DNAH17: variants seen among roughly 807,000 people sequenced by gnomAD.
DNAH17 encodes the protein dynein axonemal heavy chain 17, also known as axonemal beta dynein heavy chain 17.
Under a neutral mutation model 485.6 loss-of-function variants are expected in DNAH17, and 376 were observed. That is an observed-to-expected ratio of 0.77 (90% CI 0.71 to 0.84). The LOEUF (loss-of-function observed/expected upper bound fraction) is 0.84. Ranked by LOEUF, DNAH17 falls within the 40% of genes least tolerant of loss-of-function variation. The pLI is 0.00. For missense variants in DNAH17, 6,370 were observed against 5,839.3 expected, an observed-to-expected ratio of 1.09 and a Z score of -2.96; for synonymous variants, 3,031 against 2,405.9, an observed-to-expected ratio of 1.26 and a Z score of -7.60.
At chr17:78,478,832 C>G in intron 51 of DNAH17, 193 bp downstream of exon 51, 2 of 566,608 alleles carry the variant, frequency 3.5e-6, no homozygotes, top group Non-Finnish European at 6.3e-6. Context: ...TCATCACGAC[C>G]ATCACCATTA....
intron 48 of DNAH17, 123 bp downstream of exon 48, chr17:78,484,745 C>CCAG: frequency 2.3e-6 from 1 of 438,024 alleles, no homozygotes; most frequent in Non-Finnish European, 3.6e-6. Context: ...CAGCACCCCC[C>CCAG]CCACCGCCCC....
chr17:78,492,447 C>T (rs536765643), intron 42 of DNAH17, among the ~76,000 whole-genome samples, 186 bp downstream of exon 42: 10 of 152,290 alleles, frequency 6.6e-5, no homozygotes, highest in South Asian at 2.1e-4. Flanking sequence ...TCCCCCAGCC[C>T]GGGTGCTACG....
At chr17:78,551,275 G>A (rs998609749) in intron 16 of DNAH17, among the ~76,000 whole-genome samples, 3 of 152,212 alleles carry the variant, frequency 2.0e-5, no homozygotes, top group African/African-American at 7.2e-5. Flanking sequence ...TCCACCCCTT[G>A]CTACTGGCAC....
intron 48 of DNAH17, among the ~76,000 whole-genome samples, chr17:78,483,127 C>T (rs950819024): frequency 4.7e-5 from 7 of 147,370 alleles, no homozygotes; most frequent in African/African-American, 1.3e-4. Flanking sequence ...CCCCACACCA[C>T]GTTAGGTTCT....
intron 72 of DNAH17, among the ~76,000 whole-genome samples, chr17:78,440,258 T>C (rs1053414821): frequency 7.3e-6 from 1 of 136,196 alleles, no homozygotes; most frequent in East Asian, 2.1e-4. Flanking sequence ...TTTTTTTTTT[T>C]TTTTTTTTTT....
intron 72 of DNAH17, 81 bp from the exon 73 acceptor site, chr17:78,439,298 T>C: frequency 6.9e-7 from 1 of 1,449,356 alleles, no homozygotes; most frequent in Non-Finnish European, 9.2e-7. Flanking sequence ...AGCCAGGAAT[T>C]CCACATGCCT....
intron 11 of DNAH17, among the ~76,000 whole-genome samples, chr17:78,562,763 C>T (rs2143662792): frequency 6.6e-6 from 1 of 152,330 alleles, no homozygotes; most frequent in South Asian, 2.1e-4. Context: ...TTAGGAAGAG[C>T]ACTGCCACTC....
Position 78,491,409 on chromosome 17 carries a change from T to C in DNAH17, c.6669+34A>G, listed in dbSNP as rs529435401. On this transcript the variant is annotated intron_variant, in intron 43 of 80. Transcript: ENST00000389840. ...GAGCCCCCGTTGTCCCTGCCTTGGG[T>C]GGCCTTGGGGCTTAGAGTCCAGGGC... is the stretch of plus-strand genomic sequence containing the variant. 4 of 1,606,198 alleles carry C rather than the reference T, an allele frequency of 2.5e-6. No homozygotes were observed. The African/African-American group carries it at 5.3e-5, about 21-fold the overall frequency.
chr17:78,467,216 G>T (rs115333668), intron 55 of DNAH17, among the ~76,000 whole-genome samples: 1 of 152,232 alleles, frequency 6.6e-6, no homozygotes, highest in African/African-American at 2.4e-5. Flanking sequence ...GAAAGGGCAG[G>T]GAGTCCCTGG....
intron 68 of DNAH17, 170 bp from the exon 69 acceptor site, chr17:78,449,754 T>C: frequency 3.2e-6 from 2 of 628,392 alleles, no homozygotes; most frequent in East Asian, 5.7e-5. Flanking sequence ...CTTGGCTCAC[T>C]GCACCCTCTG....
At chr17:78,446,628 ATTTAT>A (rs60439122) in intron 69 of DNAH17, among the ~76,000 whole-genome samples, 29,052 of 151,732 alleles carry the variant, frequency 0.19, 4,838 homozygotes, top group African/African-American at 0.45. Context: ...GATTTTTTAA[ATTTAT>A]TTTATTATTT....
At chr17:78,445,040 G>A (rs2087222806) in intron 70 of DNAH17, among the ~76,000 whole-genome samples, 1 of 152,156 alleles carries the variant, frequency 6.6e-6, no homozygotes, top group Non-Finnish European at 1.5e-5. Flanking sequence ...GCCTGGGATG[G>A]GCTAGGGGCT....
At chr17:78,543,821 G>A (rs1018567480) in intron 17 of DNAH17, 36 bp downstream of exon 17, 11 of 1,613,848 alleles carry the variant, frequency 6.8e-6, no homozygotes, top group East Asian at 2.2e-5. Flanking sequence ...CTAAAAGCAA[G>A]TGGGTTCTCA....
intron 75 of DNAH17, among the ~76,000 whole-genome samples, chr17:78,431,616 G>C (rs1423808578): frequency 6.6e-6 from 1 of 152,128 alleles, no homozygotes; most frequent in Non-Finnish European, 1.5e-5. Flanking sequence ...AACAGGCCGT[G>C]GACACAGATG....
intron 54 of DNAH17, 98 bp from the exon 55 acceptor site, chr17:78,468,981 T>C: frequency 7.0e-7 from 1 of 1,431,116 alleles, no homozygotes; most frequent in Non-Finnish European, 9.3e-7. Context: ...ATTTTTTCTT[T>C]GAGACGGAGT....
chr17:78,469,662 G>A (rs553626371), intron 54 of DNAH17, among the ~76,000 whole-genome samples: 2 of 152,308 alleles, frequency 1.3e-5, no homozygotes, highest in Admixed American at 1.3e-4. Flanking sequence ...CAGCCATCAG[G>A]ACAACCCAAG....
intron 36 of DNAH17, chr17:78,499,367 G>T: frequency 2.9e-6 from 1 of 349,060 alleles, no homozygotes; most frequent in Non-Finnish European, 5.1e-6. Context: ...ACTTCCTGGA[G>T]TCCCTAATAA....
intron 17 of DNAH17, among the ~76,000 whole-genome samples, chr17:78,543,325 C>T (rs1456088215): frequency 6.7e-6 from 1 of 150,342 alleles, no homozygotes; most frequent in Non-Finnish European, 1.5e-5. Flanking sequence ...GCTCTGTCGC[C>T]CAAGCCGGAC....
At chr17:78,458,704 G>T in intron 61 of DNAH17, 24 bp from the exon 62 acceptor site, 1 of 1,598,262 alleles carries the variant, frequency 6.3e-7, no homozygotes, top group Non-Finnish European at 8.6e-7. Flanking sequence ...TTGGAAAGCT[G>T]CTGGAAAACC....
Sources: gnomAD v4.1 joint callset for allele counts (sites outside exome capture counted in the v4.1 genomes callset) on GRCh38, gnomAD v4.1.1 for gene constraint, MANE v1.5 for transcripts, NCBI Gene and HGNC (gene_info 2026-07-23, HGNC 2026-07-21) for gene names.